The following ATP6V1A variants were observed in gnomAD, a reference collection of about 807,000 sequenced individuals.
ATP6V1A encodes V-type proton ATPase catalytic subunit A.
A neutral mutation model predicts 70.1 loss-of-function variants in ATP6V1A; 18 were observed. The observed-to-expected ratio is 0.26, with a 90% confidence interval of 0.18 to 0.38. ATP6V1A has a LOEUF of 0.38. Among genes scored for constraint, ATP6V1A ranks in the 10% least tolerant of loss-of-function variants. ATP6V1A has a pLI of 1.00. For synonymous variants in ATP6V1A, 232 were observed against 253.8 expected (o/e 0.91, Z 0.82); for missense variants, 424 against 772.4 (o/e 0.55, Z 5.35).
In ATP6V1A at chr3:113,768,636, C is replaced by T. The variant is rs570123691; in HGVS notation, c.-13-10105C>T. Among the ~76,000 whole-genome samples the T allele has an allele frequency of 2.7e-5, 4 of 147,824 alleles. No homozygotes were observed. The South Asian group carries it at 8.5e-4, about 32-fold the overall frequency. The stretch of plus-strand genomic sequence containing the variant: ...TTTGAGATGGAGTCTCACTCTGTTG[C>T]CCAGGCTGGAGTGCAGTGGCGCAAT... On this transcript the variant is annotated intron_variant, in intron 1 of 14. Coordinates refer to ENST00000273398, the MANE Select transcript of ATP6V1A (RefSeq NM_001690.4).
At chr3:113,768,973 T>C (rs1708804452) in intron 1 of ATP6V1A, among the ~76,000 whole-genome samples, 1 of 152,188 alleles carries the variant, frequency 6.6e-6, no homozygotes, top group Non-Finnish European at 1.5e-5. Flanking sequence ...TAGAACATCA[T>C]TTATTATGTG....
At chr3:113,779,157 G>A (rs1187730298) in intron 2 of ATP6V1A, 1 of 182,170 alleles carries the variant, frequency 5.5e-6, no homozygotes, top group Non-Finnish European at 1.1e-5. Context: ...GAAGTTTATA[G>A]CTTTTAATAT....
At chr3:113,753,236 A>G (rs1001122971) in intron 1 of ATP6V1A, among the ~76,000 whole-genome samples, 1 of 152,208 alleles carries the variant, frequency 6.6e-6, no homozygotes, top group Non-Finnish European at 1.5e-5. Context: ...AGTAATCAAT[A>G]TACTAACAAT....
chr3:113,778,365 G>T lies in ATP6V1A; in HGVS notation c.-13-376G>T, dbSNP rs535531524. Among the ~76,000 whole-genome samples, 9 of 152,270 alleles carry T rather than the reference G, an allele frequency of 5.9e-5. No individual in the cohort carries two copies. In the South Asian group the frequency reaches 1.2e-3, roughly 21 times the overall value. ...GCAGAGATCCTTCCACTGCACTCCA[G>T]CCTGGGTGGTGGAGTTAGACTCTGT... On this transcript the variant is annotated intron_variant, in intron 1 of 14. Transcript: ENST00000273398.
In ATP6V1A at chr3:113,784,743, G is replaced by C. The variant is rs749917046; in HGVS notation, c.474G>C (p.Glu158Asp). Reference protein sequence around the residue: ...TGGDIYGIVSENSLIKHKIML... With the variant: ...TGGDIYGIVSDNSLIKHKIML... The stretch of plus-strand genomic sequence containing the variant: ...GAGACATTTATGGAATTGTCAGTGA[G>C]AACTCGCTTATCAAACACAAAATCA... The change falls in exon 5 of 15, where the codon GAG (glutamate) becomes GAC (aspartate). Residue 158 changes from glutamate (E) to aspartate (D), a missense_variant. Glu to Asp is a conservative substitution (Grantham distance 45). Around this residue, in one of 9 missense-constraint regions of ATP6V1A, gnomAD observed 139 missense variants for 163.5 expected, o/e 0.85. Coordinates refer to ENST00000273398, the MANE Select transcript of ATP6V1A (RefSeq NM_001690.4). The C allele has an allele frequency of 1.4e-5, 22 of 1,613,946 alleles. No homozygotes were observed. The highest frequency in any genetic ancestry group is 1.7e-5 in the Non-Finnish European group (20 of 1,179,978).
At chr3:113,748,051 G>T (rs373463671) in intron 1 of ATP6V1A, among the ~76,000 whole-genome samples, 1 of 152,132 alleles carries the variant, frequency 6.6e-6, no homozygotes, top group East Asian at 1.9e-4. Context: ...AAATACTACT[G>T]AATTGGCACT....
At chr3:113,747,704 GAA>G (rs890628069) in intron 1 of ATP6V1A, among the ~76,000 whole-genome samples, 3 of 152,204 alleles carry the variant, frequency 2.0e-5, no homozygotes, top group Non-Finnish European at 4.4e-5. Context: ...GATGGGACTA[GAA>G]AAGTAAAAGA....
chr3:113,751,091 T>C (rs1708580828), intron 1 of ATP6V1A, among the ~76,000 whole-genome samples: 3 of 152,194 alleles, frequency 2.0e-5, no homozygotes, highest in Admixed American at 6.5e-5. Flanking sequence ...GAAGTTTTTA[T>C]TCCTGCAATG....
intron 1 of ATP6V1A, among the ~76,000 whole-genome samples, chr3:113,759,057 C>A (rs923040958): frequency 5.2e-4 from 79 of 152,236 alleles, no homozygotes; most frequent in African/African-American, 1.7e-3. Flanking sequence ...GATATAAGTT[C>A]TTTGTCAGGT....
rs763408784 is a variant in ATP6V1A, at chr3:113,784,435, A to G, written c.423A>G (p.Leu141=). 24 of 1,607,542 alleles carry G rather than the reference A, an allele frequency of 1.5e-5. No individual in the cohort carries two copies. The highest frequency in any genetic ancestry group is 1.0e-4 in the Admixed American group (6 of 59,930). The part of the protein sequence containing the change: ...IKWDFTPCKN[L]RVGSHITGGD... ...GGGACTTTACACCTTGCAAAAACCT[A>G]CGGGTATGTCTGTGTAACCAAGAAT... The change falls in exon 4 of 15, where the codon CTA becomes CTG. Residue 141 remains leucine (L), a synonymous_variant. Coordinates refer to ENST00000273398, the MANE Select transcript of ATP6V1A (RefSeq NM_001690.4).
chr3:113,800,944 CA>C (rs1709205509), intron 12 of ATP6V1A, among the ~76,000 whole-genome samples: 1 of 151,964 alleles, frequency 6.6e-6, no homozygotes, highest in Admixed American at 6.6e-5. Context: ...GGCTTGACTC[CA>C]GGAGTTCAAG....
At chr3:113,760,070 A>G (rs1025196014) in intron 1 of ATP6V1A, among the ~76,000 whole-genome samples, 3 of 152,232 alleles carry the variant, frequency 2.0e-5, no homozygotes, top group Admixed American at 6.5e-5. Context: ...TTAGTAAATC[A>G]TACTATTGAA....
In ATP6V1A at chr3:113,795,093, G is replaced by A. The variant is rs777475410; in HGVS notation, c.1115G>A (p.Ser372Asn). 1 of 1,614,008 alleles carries A rather than the reference G, an allele frequency of 6.2e-7. No individual in the cohort carries two copies. The highest frequency in any genetic ancestry group is 8.5e-7 in the Non-Finnish European group (1 of 1,179,982). Reference protein sequence around the residue: ...SGRLAEMPADSGYPAYLGARL... With the variant: ...SGRLAEMPADNGYPAYLGARL... ...AAAATTTCTTTTCATTTTTCAGATA[G>A]TGGATATCCAGCCTATCTTGGTGCC... The change falls in exon 10 of 15, where the codon AGT becomes AAT. Residue 372 changes from serine to asparagine, a missense_variant. Around this residue, in one of 9 missense-constraint regions of ATP6V1A, gnomAD observed 58 missense variants for 181.5 expected, o/e 0.32. Transcript: ENST00000273398.
chr3:113,773,942 G>T (rs534864081), intron 1 of ATP6V1A, among the ~76,000 whole-genome samples: 2 of 152,168 alleles, frequency 1.3e-5, no homozygotes, highest in East Asian at 3.9e-4. Flanking sequence ...GGGAAAGATT[G>T]TGTCTTACTT....
intron 1 of ATP6V1A, among the ~76,000 whole-genome samples, chr3:113,777,626 A>G (rs1039462854): frequency 1.3e-5 from 2 of 152,016 alleles, no homozygotes; most frequent in African/African-American, 4.8e-5. Context: ...GGTAGGACAC[A>G]CCTGTGGTCC....
At chr3:113,774,576 A>T (rs1296298060) in intron 1 of ATP6V1A, among the ~76,000 whole-genome samples, 1 of 152,108 alleles carries the variant, frequency 6.6e-6, no homozygotes, top group Non-Finnish European at 1.5e-5. Context: ...GCACTTTGGG[A>T]TTACAGGTGG....
At chr3:113,792,575 A>G (rs954865546) in intron 8 of ATP6V1A, among the ~76,000 whole-genome samples, 1 of 152,134 alleles carries the variant, frequency 6.6e-6, no homozygotes, top group African/African-American at 2.4e-5. Context: ...GCCTCAAGAG[A>G]TCCTCCTGCC....
At chr3:113,764,941 T>G (rs1315611636) in intron 1 of ATP6V1A, among the ~76,000 whole-genome samples, 1 of 150,596 alleles carries the variant, frequency 6.6e-6, no homozygotes, top group Non-Finnish European at 1.5e-5. Context: ...TGAGCCGAGA[T>G]TGCATCACTG....
intron 11 of ATP6V1A, among the ~76,000 whole-genome samples, chr3:113,796,884 A>G (rs1279210425): frequency 6.6e-6 from 1 of 152,224 alleles, no homozygotes; most frequent in Non-Finnish European, 1.5e-5. Context: ...TTGTTGTTGG[A>G]TTGGCCCTGT....
Sources: gnomAD v4.1 joint callset for allele counts (sites outside exome capture counted in the v4.1 genomes callset) on GRCh38, gnomAD v4.1.1 for gene constraint, gnomAD v4.1.1 regional missense constraint, MANE v1.5 for transcripts, NCBI Gene and HGNC (gene_info 2026-07-23, HGNC 2026-07-21) for gene names.